Variants in IRAK3 observed in about 807,000 individuals in gnomAD.
IRAK3 encodes the protein interleukin 1 receptor associated kinase 3.
IRAK3 carries 57 observed loss-of-function variants against 56.6 expected under a neutral mutation model. The ratio of observed to expected loss-of-function variants is 1.01; its 90% CI spans 0.81 to 1.26. The LOEUF is 1.26. IRAK3 is among the 50% of genes most tolerant of loss of function. The pLI is 0.00. For missense variants in IRAK3, 703 were observed against 719.0 expected, an observed-to-expected ratio of 0.98 and a Z score of 0.25; for synonymous variants, 258 against 255.7, an observed-to-expected ratio of 1.01 and a Z score of -0.09.
At position 66,253,580 on chromosome 12, in the gene IRAK3, A is replaced by G. The variant is rs1221578978; in HGVS notation, c.*5409A>G. ...TATGGATGTCATCTGCATCATTGCA[A>G]ACTTTTCTGGTCGTCTCTATAAATA... On this transcript the variant is annotated 3_prime_UTR_variant, in exon 12 of 12. Coordinates refer to ENST00000261233, the MANE Select transcript of IRAK3 (RefSeq NM_007199.3). The G allele has an allele frequency of 6.6e-6, 1 of 152,226 alleles. No individual in the cohort carries two copies. 9.4% of individuals were successfully genotyped at this position (152,226 alleles called of 1,614,324 possible). A position where few individuals can be genotyped will look rare whatever the true frequency, so the allele number is the denominator to read the frequency against.
At chr12:66,191,952 C>T (rs1333265557) in intron 1 of IRAK3, among the ~76,000 whole-genome samples, 1 of 152,202 alleles carries the variant, frequency 6.6e-6, no homozygotes. Flanking sequence ...CATATAGCAG[C>T]CTATATGATA....
At position 66,245,228 on chromosome 12, in the gene IRAK3, C is replaced by T. The variant is rs368242544; in HGVS notation, c.1280C>T (p.Ala427Val). 3.1e-6 allele frequency: 5 copies of T among 1,614,042 alleles called. No individual in the cohort carries two copies. Among genetic ancestry groups the T allele is most frequent in the Non-Finnish European group, 4.2e-6 (5 of 1,180,042 alleles). The change falls in exon 11 of 12, where the codon GCA becomes GTA. Residue 427 changes from alanine to valine, a missense_variant. By Grantham distance (64) the Ala-to-Val change is moderately conservative (BLOSUM62 0). Coordinates refer to ENST00000261233, the MANE Select transcript of IRAK3 (RefSeq NM_007199.3). ...TTCTGTTTGGCAGGCCGGTGTGCTG[C>T]AACGCGGGCAAAGTTAAGACCATCA... ...KLFCLAGRCA[A>V]TRAKLRPSMD...
At position 66,228,849 on chromosome 12, in the gene IRAK3, G is replaced by A. The variant is rs77174160; in HGVS notation, c.887+479G>A. On this transcript the variant is annotated intron_variant, in intron 8 of 11. Coordinates refer to ENST00000261233, the MANE Select transcript of IRAK3 (RefSeq NM_007199.3). ...TAGCACTAGATGATTTTACCCAACT[G>A]TAGGCTAATATAATTGTCCTGAGCA... Among the ~76,000 whole-genome samples the A allele has an allele frequency of 2.1e-3, 315 of 152,250 alleles. 3 individuals are homozygous for A. The East Asian group carries it at 0.051, about 25-fold the overall frequency.
rs535295345 is a variant in IRAK3, at chr12:66,253,282, A to G, written c.*5111A>G. On this transcript the variant is annotated 3_prime_UTR_variant, in exon 12 of 12. Transcript: ENST00000261233. Reference sequence around the variant, plus strand: ...TACTAATTTTAAATACTAATATCTGAGATATCTTCGAAAAGAAGATTAGTC... The same window carrying G: ...TACTAATTTTAAATACTAATATCTGGGATATCTTCGAAAAGAAGATTAGTC... 7 of 152,348 alleles carry G rather than the reference A, an allele frequency of 4.6e-5. No individual in the cohort carries two copies. Among genetic ancestry groups the G allele is most frequent in the African/African-American group, 1.7e-4 (7 of 41,570 alleles). 9.4% of individuals were successfully genotyped at this position (152,348 alleles called of 1,614,324 possible).
intron 5 of IRAK3, among the ~76,000 whole-genome samples, chr12:66,215,788 A>ACGTGCCCGTGCGCGCGCGCG (rs375264640): frequency 7.6e-6 from 1 of 131,612 alleles, no homozygotes; most frequent in Non-Finnish European, 1.7e-5. Context: ...CCCAACATGC[A>ACGTGCCCGTGCGCGCGCGCG]CACACACACA....
At chr12:66,221,462 C>CT (rs769801968) in intron 6 of IRAK3, among the ~76,000 whole-genome samples, 1 of 152,146 alleles carries the variant, frequency 6.6e-6, no homozygotes, top group Non-Finnish European at 1.5e-5. Flanking sequence ...AAGCATTCAG[C>CT]TTTTCACTGT....
intron 8 of IRAK3, among the ~76,000 whole-genome samples, chr12:66,236,793 C>T (rs1414663275): frequency 3.3e-5 from 5 of 152,136 alleles, no homozygotes; most frequent in Non-Finnish European, 7.3e-5. Context: ...GAGAACGTGA[C>T]CCTGTATTCT....
chr12:66,253,944 T>G lies in IRAK3; in HGVS notation c.*5773T>G, dbSNP rs1159457496. 2 of 152,168 alleles carry G rather than the reference T, an allele frequency of 1.3e-5. No homozygotes were observed. Among genetic ancestry groups the G allele is most frequent in the African/African-American group, 4.8e-5 (2 of 41,442 alleles). 9.4% of individuals were successfully genotyped at this position (152,168 alleles called of 1,614,324 possible). A position where few individuals can be genotyped will look rare whatever the true frequency, so the allele number is the denominator to read the frequency against. ...AATATCTGCCTTGAAAAAGAATAAC[T>G]TAAAAATTAAAAGTGTCCTCTATTT... On this transcript the variant is annotated 3_prime_UTR_variant, in exon 12 of 12. Transcript: ENST00000261233.
intron 6 of IRAK3, among the ~76,000 whole-genome samples, chr12:66,220,518 T>TC: frequency 7.9e-6 from 1 of 126,708 alleles, no homozygotes; most frequent in East Asian, 2.1e-4. Flanking sequence ...TTCTTTCTTT[T>TC]TTTTTTTTTT....
chr12:66,228,338 A>G lies in IRAK3; in HGVS notation c.855A>G (p.Gln285=), dbSNP rs1437311963. The G allele has an allele frequency of 3.7e-6, 6 of 1,613,856 alleles. No individual in the cohort carries two copies. The Admixed American group carries it at 1.0e-4, about 27-fold the overall frequency. ...CCATTCACTACCTGCACAACGTTCA[A>G]CCATGCTCGGTCATCTGTGGCAGTA... ...SKAIHYLHNV[Q]PCSVICGSIS... is the part of the protein sequence containing the mutation. The change falls in exon 8 of 12, where the codon CAA becomes CAG. Residue 285 remains glutamine (Q), a synonymous_variant. Transcript: ENST00000261233.
chr12:66,246,768 A>G (rs780691198), intron 11 of IRAK3, among the ~76,000 whole-genome samples: 2 of 152,180 alleles, frequency 1.3e-5, no homozygotes, highest in Non-Finnish European at 2.9e-5. Context: ...AGCTCTCTAT[A>G]TGTATTTTTT....
intron 8 of IRAK3, chr12:66,235,295 G>C (rs1018858782): frequency 1.2e-4 from 158 of 1,288,424 alleles, no homozygotes; most frequent in Non-Finnish European, 1.1e-4. Flanking sequence ...CATCGCTGCG[G>C]GCCGCGGCGG....
chr12:66,192,893 A>G (rs2052412419), intron 1 of IRAK3, among the ~76,000 whole-genome samples: 1 of 152,162 alleles, frequency 6.6e-6, no homozygotes, highest in African/African-American at 2.4e-5. Flanking sequence ...GCCTTGAGTC[A>G]CAGTCTTCTA....
rs57290167 is a variant in IRAK3, at chr12:66,219,050, ATG to A, written c.653+1833_653+1834del. Reference sequence around the variant, plus strand: ...TATTCCATCGTGTGTGTGTGTGTGTATGTGTGTGTGTGTGTGTGTCTCACACT... The same window carrying A: ...TATTCCATCGTGTGTGTGTGTGTGTATGTGTGTGTGTGTGTGTCTCACACT... On this transcript the variant is annotated intron_variant, in intron 6 of 11. Coordinates refer to ENST00000261233, the MANE Select transcript of IRAK3 (RefSeq NM_007199.3). Among the ~76,000 whole-genome samples the A allele has an allele frequency of 3.0e-3, 448 of 149,282 alleles. 2 individuals are homozygous for A. The highest frequency in any genetic ancestry group is 9.4e-3 in the African/African-American group (384 of 40,922).
At chr12:66,223,785 C>T (rs904531957) in intron 6 of IRAK3, among the ~76,000 whole-genome samples, 2 of 150,598 alleles carry the variant, frequency 1.3e-5, no homozygotes, top group Non-Finnish European at 3.0e-5. Context: ...GTCATCTCAG[C>T]TCACTGCAAG....
chr12:66,233,786 CT>C (rs113771362), intron 8 of IRAK3, among the ~76,000 whole-genome samples: 175 of 139,970 alleles, frequency 1.3e-3, no homozygotes, highest in Admixed American at 1.2e-3. Flanking sequence ...TTTTCTTTTT[CT>C]TTTTTTTTTT....
rs1055589522 is a variant in IRAK3 at position 66,254,497 on chromosome 12, T to A, written c.*6326T>A. ...AGAGATCTTCACCAAATGTTAAGGA[T>A]TTTTTTTTCTGGGCTGTGGTATTTG... On this transcript the variant is annotated 3_prime_UTR_variant, in exon 12 of 12. Coordinates refer to ENST00000261233, the MANE Select transcript of IRAK3 (RefSeq NM_007199.3). 1 of 151,630 alleles carries A rather than the reference T, an allele frequency of 6.6e-6. No individual in the cohort carries two copies. The highest frequency in any genetic ancestry group is 1.5e-5 in the Non-Finnish European group (1 of 67,828). 9.4% of individuals were successfully genotyped at this position (151,630 alleles called of 1,614,324 possible). A position where few individuals can be genotyped will look rare whatever the true frequency, so the allele number is the denominator to read the frequency against.
At chr12:66,194,951 T>A (rs968791122) in intron 1 of IRAK3, among the ~76,000 whole-genome samples, 11 of 152,204 alleles carry the variant, frequency 7.2e-5, no homozygotes, top group African/African-American at 2.7e-4. Context: ...ATCTGCTAAA[T>A]TCACGTAAAT....
chr12:66,217,289 G>T, intron 6 of IRAK3, 54 bp downstream of exon 6: 1 of 1,297,730 alleles, frequency 7.7e-7, no homozygotes, highest in South Asian at 1.2e-5. Context: ...TTTCATCTCT[G>T]TTCATTTTTT....
Sources: allele counts gnomAD v4.1 joint callset (sites outside exome capture counted in the v4.1 genomes callset), GRCh38; gene constraint gnomAD v4.1.1; transcripts MANE v1.5; gene names NCBI Gene and HGNC (gene_info 2026-07-23, HGNC 2026-07-21).